NAV3: variants seen among roughly 807,000 people sequenced by gnomAD.
NAV3 encodes neuron navigator 3.
Under a neutral mutation model 244.7 loss-of-function variants are expected in NAV3, and 87 were observed. That is an observed-to-expected ratio of 0.36 (90% CI 0.30 to 0.42). The LOEUF (loss-of-function observed/expected upper bound fraction) is 0.42. NAV3 is among the 20% of genes least tolerant of loss of function. The pLI, the probability that NAV3 is intolerant of heterozygous loss-of-function variation, is 1.00. For synonymous variants in NAV3, 1,126 were observed against 1,042.2 expected, an observed-to-expected ratio of 1.08 and a Z score of -1.55; for missense variants, 2,663 against 2,893.3, an observed-to-expected ratio of 0.92 and a Z score of 1.83.
chr12:78,133,555 T>C (rs1956252156), intron 18 of NAV3, among the ~76,000 whole-genome samples: 1 of 151,782 alleles, frequency 6.6e-6, no homozygotes, highest in African/African-American at 2.4e-5. Context: ...TTATTCTTTC[T>C]ACCAATTAAA....
At position 78,182,154 on chromosome 12, in the gene NAV3, A is replaced by C. The variant is rs148881550; in HGVS notation, c.5692+1109A>C. Among the ~76,000 whole-genome samples, 644 of 152,206 alleles carry C rather than the reference A, an allele frequency of 4.2e-3. 2 individuals carry two copies. Among genetic ancestry groups the C allele is most frequent in the Non-Finnish European group, 6.7e-3 (453 of 67,970 alleles). On this transcript the variant is annotated intron_variant, in intron 30 of 39. Transcript: ENST00000397909. Reference sequence around the variant, plus strand: ...AGAGATTTCAGAATTAAATGAACTTATAGATCATTAGGTAAAATAAGACTG... The same window carrying C: ...AGAGATTTCAGAATTAAATGAACTTCTAGATCATTAGGTAAAATAAGACTG...
intron 2 of NAV3, among the ~76,000 whole-genome samples, chr12:77,697,071 C>G (rs1317834502): frequency 6.6e-6 from 1 of 152,162 alleles, no homozygotes; most frequent in African/African-American, 2.4e-5. Flanking sequence ...GTTTCCTTCT[C>G]CCAGAGAAGT....
chr12:78,136,198 G>C (rs1956367445), intron 18 of NAV3, among the ~76,000 whole-genome samples: 1 of 152,168 alleles, frequency 6.6e-6, no homozygotes, highest in Admixed American at 6.5e-5. Flanking sequence ...GGATTCCACA[G>C]GGTTTTGAAA....
At chr12:78,209,739 C>A (rs1003005283) in intron 39 of NAV3, among the ~76,000 whole-genome samples, 2 of 152,190 alleles carry the variant, frequency 1.3e-5, no homozygotes, top group African/African-American at 4.8e-5. Context: ...TTGAGACAGC[C>A]ACTATTGTTC....
At chr12:77,729,070 A>G (rs1282358608) in intron 2 of NAV3, among the ~76,000 whole-genome samples, 4 of 152,074 alleles carry the variant, frequency 2.6e-5, no homozygotes, top group African/African-American at 9.7e-5. Flanking sequence ...TGTAACATGC[A>G]AAATATATGT....
chr12:77,767,855 G>A (rs1386728014), intron 2 of NAV3, among the ~76,000 whole-genome samples: 1 of 152,218 alleles, frequency 6.6e-6, no homozygotes, highest in Non-Finnish European at 1.5e-5. Context: ...AGCAAAGGAG[G>A]TGTGTGACAG....
chr12:77,817,142 G>T (rs1273458255), intron 2 of NAV3, among the ~76,000 whole-genome samples: 1 of 151,896 alleles, frequency 6.6e-6, no homozygotes, highest in Non-Finnish European at 1.5e-5. Context: ...ATACACTTTG[G>T]TGATCACTTT....
At chr12:77,873,744 G>GTGTGTATATATATATATATATATA (rs776225440) in intron 1 of NAV3, among the ~76,000 whole-genome samples, 5 of 73,186 alleles carry the variant, frequency 6.8e-5, no homozygotes, top group African/African-American at 9.0e-5. Flanking sequence ...ATGTGTGTGT[G>GTGTGTATATATATATATATATATA]TATATATATA....
chr12:78,107,012 A>C (rs1954835552), intron 12 of NAV3, among the ~76,000 whole-genome samples: 1 of 152,212 alleles, frequency 6.6e-6, no homozygotes, highest in Admixed American at 6.5e-5. Context: ...AATCAAAGCC[A>C]CAGTACCCTA....
At chr12:77,882,062 T>C (rs1219425384) in intron 1 of NAV3, among the ~76,000 whole-genome samples, 1 of 152,036 alleles carries the variant, frequency 6.6e-6, no homozygotes, top group East Asian at 1.9e-4. Context: ...TTTCATAGAA[T>C]TAGAAAACAA....
intron 2 of NAV3, chr12:77,775,839 A>G (rs1366582167): frequency 2.0e-5 from 3 of 152,258 alleles, no homozygotes; most frequent in African/African-American, 7.2e-5. Flanking sequence ...CTTGAGTGTG[A>G]TAAAGGTAAA....
At chr12:77,695,470 A>G (rs200178807) in intron 2 of NAV3, among the ~76,000 whole-genome samples, 1 of 151,880 alleles carries the variant, frequency 6.6e-6, no homozygotes, top group East Asian at 1.9e-4. Flanking sequence ...AGGTGTGTGA[A>G]TTTGTTTCTG....
At chr12:77,829,249 T>C (rs1873341962), upstream of NAV3, among the ~76,000 whole-genome samples, 1 of 152,264 alleles carries the variant, frequency 6.6e-6, no homozygotes, top group Admixed American at 6.5e-5. Context: ...ACCGGATTTC[T>C]TCCACCAATT....
intron 2 of NAV3, among the ~76,000 whole-genome samples, chr12:77,599,214 G>T (rs1870309186): frequency 6.6e-6 from 1 of 151,900 alleles, no homozygotes. Context: ...CGTTTTTAAT[G>T]CTGCACAATA....
At chr12:78,048,096 CT>C (rs1225762610) in intron 9 of NAV3, among the ~76,000 whole-genome samples, 1 of 152,150 alleles carries the variant, frequency 6.6e-6, no homozygotes, top group Non-Finnish European at 1.5e-5. Flanking sequence ...ACTGGTTATT[CT>C]AGTTAATAAT....
chr12:78,190,835 GGCCTATACGGCGTA>G (rs1457416197), intron 34 of NAV3, among the ~76,000 whole-genome samples: 4 of 151,936 alleles, frequency 2.6e-5, no homozygotes, highest in Admixed American at 2.6e-4. Flanking sequence ...AAGGCATGAG[GGCCTATACGGCGTA>G]GCCTGTACTT....
chr12:77,803,274 C>G (rs565032865), intron 2 of NAV3, among the ~76,000 whole-genome samples: 2 of 152,054 alleles, frequency 1.3e-5, no homozygotes, highest in Non-Finnish European at 2.9e-5. Context: ...CTATCCCTCT[C>G]CTAGCCCCCC....
chr12:77,927,273 G>A (rs550332575), intron 1 of NAV3, among the ~76,000 whole-genome samples: 1 of 152,346 alleles, frequency 6.6e-6, no homozygotes, highest in East Asian at 1.9e-4. Context: ...GTTAGTACTA[G>A]ATGTTGCAGC....
At chr12:77,920,588 A>AT (rs1565922229) in intron 1 of NAV3, among the ~76,000 whole-genome samples, 1 of 152,040 alleles carries the variant, frequency 6.6e-6, no homozygotes, top group Non-Finnish European at 1.5e-5. Context: ...TTTTAGCTAA[A>AT]TATATATTTT....
Sources: gnomAD v4.1 joint callset for allele counts (sites outside exome capture counted in the v4.1 genomes callset) on GRCh38, gnomAD v4.1.1 for gene constraint, MANE v1.5 for transcripts, NCBI Gene and HGNC (gene_info 2026-07-23, HGNC 2026-07-21) for gene names.